MED27: variants seen among roughly 807,000 people sequenced by gnomAD.
MED27 encodes mediator complex subunit 27.
In MED27, 30 loss-of-function variants were observed where a neutral mutation model predicts 38.2. The observed-to-expected ratio is 0.79, with a 90% CI of 0.59 to 1.07. The LOEUF is 1.07. Ranked by LOEUF, MED27 falls within the 50% of genes least tolerant of loss-of-function variation. The pLI is 0.00. For missense variants in MED27, 289 were observed against 397.5 expected (o/e 0.73, Z 2.32); for synonymous variants, 122 against 153.5 (o/e 0.79, Z 1.52).
chr9:131,890,902 C>A (rs1334323219), intron 5 of MED27, among the ~76,000 whole-genome samples: 1 of 152,198 alleles, frequency 6.6e-6, no homozygotes, highest in African/African-American at 2.4e-5. Context: ...GCCTGCCTGA[C>A]CAACGTATGT....
At chr9:131,991,878 T>C (rs1207172994) in intron 3 of MED27, among the ~76,000 whole-genome samples, 6 of 151,992 alleles carry the variant, frequency 3.9e-5, no homozygotes, top group Admixed American at 6.6e-5. Flanking sequence ...AGCGCCACCA[T>C]GCCCGGCTAA....
At chr9:131,887,773 C>T (rs979722241) in intron 5 of MED27, among the ~76,000 whole-genome samples, 1 of 152,140 alleles carries the variant, frequency 6.6e-6, no homozygotes, top group African/African-American at 2.4e-5. Flanking sequence ...AAGCGAAGCA[C>T]CCTTCAGTAT....
In MED27 at chr9:132,014,468, C is replaced by G; in HGVS notation, c.349-1G>C. ...ATGCTAGTCCTGCATGGTACTGCAA[C>G]TGCAGAGAAAAACAAAACAAAAGGG... On this transcript the variant is annotated splice_acceptor_variant, in intron 2 of 7. Coordinates refer to ENST00000292035, the MANE Select transcript of MED27 (RefSeq NM_004269.4). LOFTEE classifies it high-confidence loss of function. 6.2e-7 allele frequency: 1 copy of G among 1,610,588 alleles called. No individual in the cohort carries two copies. Among genetic ancestry groups the G allele is most frequent in the Non-Finnish European group, 8.5e-7 (1 of 1,178,832 alleles).
At chr9:132,008,597 G>C (rs1832414102) in intron 3 of MED27, among the ~76,000 whole-genome samples, 1 of 152,188 alleles carries the variant, frequency 6.6e-6, no homozygotes, top group Non-Finnish European at 1.5e-5. Flanking sequence ...CTCATCCTAT[G>C]GGAGCTCAGG....
chr9:131,871,447 T>C (rs1838832090), intron 6 of MED27, among the ~76,000 whole-genome samples: 2 of 152,138 alleles, frequency 1.3e-5, no homozygotes, highest in South Asian at 2.1e-4. Flanking sequence ...GTTTCCTCTT[T>C]AAAAAGCAAG....
chr9:131,996,879 C>A (rs912874181), intron 3 of MED27, among the ~76,000 whole-genome samples: 1 of 152,090 alleles, frequency 6.6e-6, no homozygotes, highest in Non-Finnish European at 1.5e-5. Flanking sequence ...ATGACATATT[C>A]TTTTCTCTAG....
intron 3 of MED27, among the ~76,000 whole-genome samples, chr9:131,945,867 C>G (rs1252917952): frequency 1.3e-5 from 2 of 148,334 alleles, no homozygotes; most frequent in Non-Finnish European, 3.0e-5. Flanking sequence ...ACTTGGGAAG[C>G]TGAGATGGGA....
chr9:131,909,099 G>A (rs1208095094), intron 4 of MED27, among the ~76,000 whole-genome samples: 1 of 152,064 alleles, frequency 6.6e-6, no homozygotes, highest in Non-Finnish European at 1.5e-5. Context: ...GATATGAGGA[G>A]TGAGAAAAAA....
At chr9:132,055,167 G>T (rs1365255957) in intron 2 of MED27, among the ~76,000 whole-genome samples, 1 of 152,172 alleles carries the variant, frequency 6.6e-6, no homozygotes, top group Non-Finnish European at 1.5e-5. Flanking sequence ...TTTCCTAAAT[G>T]ACCAAGCTGG....
chr9:132,053,242 G>A (rs566143325), intron 2 of MED27, among the ~76,000 whole-genome samples: 1 of 144,878 alleles, frequency 6.9e-6, no homozygotes, highest in African/African-American at 2.6e-5. Flanking sequence ...GACAGAGCGA[G>A]ACTCCCGTCT....
At chr9:131,894,065 T>A in intron 4 of MED27, 73 bp from the exon 5 acceptor site, 1 of 1,126,020 alleles carries the variant, frequency 8.9e-7, no homozygotes, top group Non-Finnish European at 1.3e-6. Context: ...TGAGAAGAAA[T>A]GACCACCTGG....
At chr9:131,909,681 A>G (rs2131534398) in intron 4 of MED27, among the ~76,000 whole-genome samples, 1 of 152,330 alleles carries the variant, frequency 6.6e-6, no homozygotes, top group East Asian at 1.9e-4. Flanking sequence ...AATCCAATTA[A>G]TATGAATGGA....
At chr9:131,964,985 C>T (rs1831308304) in intron 3 of MED27, among the ~76,000 whole-genome samples, 1 of 152,160 alleles carries the variant, frequency 6.6e-6, no homozygotes, top group Non-Finnish European at 1.5e-5. Context: ...AACTTACATA[C>T]ATTGTGTATG....
At chr9:132,033,367 T>A (rs1265500591) in intron 2 of MED27, among the ~76,000 whole-genome samples, 2 of 152,238 alleles carry the variant, frequency 1.3e-5, no homozygotes, top group African/African-American at 2.4e-5. Context: ...TTACACTCCA[T>A]ACTGGGCTCA....
At chr9:131,944,267 A>G (rs1830840607) in intron 3 of MED27, among the ~76,000 whole-genome samples, 1 of 152,290 alleles carries the variant, frequency 6.6e-6, no homozygotes, top group Non-Finnish European at 1.5e-5. Context: ...AGTGTCCCCA[A>G]CAATTTACGG....
intron 6 of MED27, among the ~76,000 whole-genome samples, chr9:131,865,778 G>A (rs1355084225): frequency 2.0e-5 from 3 of 152,134 alleles, no homozygotes; most frequent in Non-Finnish European, 4.4e-5. Context: ...TATTTCTTTT[G>A]TTTTCACATT....
At chr9:132,040,554 G>A (rs1045655803) in intron 2 of MED27, among the ~76,000 whole-genome samples, 2 of 152,232 alleles carry the variant, frequency 1.3e-5, no homozygotes, top group Admixed American at 6.5e-5. Context: ...AAAGTGTGGT[G>A]TGGAAAACAA....
chr9:132,042,330 A>G (rs1430185141), intron 2 of MED27, among the ~76,000 whole-genome samples: 1 of 152,238 alleles, frequency 6.6e-6, no homozygotes, highest in Non-Finnish European at 1.5e-5. Flanking sequence ...TACATTGTAT[A>G]AACTCTTTAT....
chr9:132,002,942 G>T (rs372059689), intron 3 of MED27, among the ~76,000 whole-genome samples: 1 of 140,676 alleles, frequency 7.1e-6, no homozygotes. Flanking sequence ...AAAAGAAAAA[G>T]AAAAGAAACC....
Sources: gnomAD v4.1 joint callset for allele counts (sites outside exome capture counted in the v4.1 genomes callset) on GRCh38, gnomAD v4.1.1 for gene constraint, MANE v1.5 for transcripts, NCBI Gene and HGNC (gene_info 2026-07-23, HGNC 2026-07-21) for gene names.